Variants in PLEKHA5 observed in about 807,000 individuals in gnomAD.
PLEKHA5 encodes pleckstrin homology domain-containing family A member 5.
PLEKHA5 carries 55 observed loss-of-function variants against 181.9 expected under a neutral mutation model. The ratio of observed to expected loss-of-function variants is 0.30; its 90% CI spans 0.24 to 0.38. The LOEUF (loss-of-function observed/expected upper bound fraction) is 0.38. Among genes scored for constraint, PLEKHA5 ranks in the 10% least tolerant of loss-of-function variants. The pLI is 1.00. For missense variants in PLEKHA5, 1,432 were observed against 1,549.5 expected (o/e 0.92, Z 1.27); for synonymous variants, 535 against 529.4 (o/e 1.01, Z -0.15).
chr12:19,199,965 G>A (rs1004095511), intron 3 of PLEKHA5, among the ~76,000 whole-genome samples: 20 of 152,092 alleles, frequency 1.3e-4, no homozygotes, highest in African/African-American at 4.8e-4. Context: ...GTCGACAGTG[G>A]AATGATGACA....
intron 3 of PLEKHA5, among the ~76,000 whole-genome samples, chr12:19,140,536 A>C (rs1007279124): frequency 2.0e-5 from 3 of 152,276 alleles, no homozygotes; most frequent in African/African-American, 7.2e-5. Flanking sequence ...CACCAAGAGA[A>C]TCTTTTGGAC....
intron 5 of PLEKHA5, among the ~76,000 whole-genome samples, chr12:19,255,376 A>T (rs1235591363): frequency 6.6e-6 from 1 of 152,158 alleles, no homozygotes; most frequent in Non-Finnish European, 1.5e-5. Context: ...ATAATTTTAG[A>T]AATACATTGA....
intron 3 of PLEKHA5, among the ~76,000 whole-genome samples, chr12:19,171,517 G>C (rs1475026990): frequency 1.3e-5 from 2 of 152,208 alleles, no homozygotes; most frequent in Admixed American, 6.5e-5. Flanking sequence ...TGCCCAGGCT[G>C]GGGTGCAGTG....
intron 3 of PLEKHA5, among the ~76,000 whole-genome samples, chr12:19,195,544 C>T (rs957451942): frequency 6.6e-6 from 1 of 151,656 alleles, no homozygotes; most frequent in Non-Finnish European, 1.5e-5. Flanking sequence ...CTGGCACACA[C>T]CTGTAGTCTC....
chr12:19,186,521 A>G (rs1463320015), intron 3 of PLEKHA5, among the ~76,000 whole-genome samples: 2 of 152,200 alleles, frequency 1.3e-5, no homozygotes, highest in Non-Finnish European at 2.9e-5. Flanking sequence ...CGAATTTAGT[A>G]TACCAAATTT....
intron 3 of PLEKHA5, among the ~76,000 whole-genome samples, chr12:19,211,191 A>G (rs1358043503): frequency 6.6e-6 from 1 of 152,200 alleles, no homozygotes; most frequent in Non-Finnish European, 1.5e-5. Context: ...CTTTGGTTTT[A>G]TAACACATAC....
Position 19,369,732 on chromosome 12 carries a change from C to T in PLEKHA5, c.3794C>T (p.Pro1265Leu), listed in dbSNP as rs189277156. The change falls in exon 31 of 32, where the codon CCA becomes CTA. Residue 1265 changes from proline to leucine, a missense_variant. By Grantham distance (98) the Pro-to-Leu change is moderately conservative. Transcript: ENST00000429027. ...LSPSPESSASPVPSTQPQLTE... is the reference protein window; with the variant it reads ...LSPSPESSASLVPSTQPQLTE... ...CCATCTCCTGAGTCCTCGGCATCGC[C>T]AGTTCCATCCACTCAGCCGCAGCTC... 1.2e-6 allele frequency: 2 copies of T among 1,612,696 alleles called. No homozygotes were observed. Among genetic ancestry groups the T allele is most frequent in the Admixed American group, 3.4e-5 (2 of 59,648 alleles).
intron 3 of PLEKHA5, chr12:19,202,066 T>A: frequency 1.1e-6 from 1 of 873,730 alleles, no homozygotes; most frequent in Non-Finnish European, 1.4e-6. Context: ...TACTCCCCAC[T>A]CTTCCCCTAC....
chr12:19,140,716 C>T lies in PLEKHA5; in HGVS notation c.227+8266C>T, dbSNP rs539950020. ...ACATCCCAGGGCATTTTTTTCTTCTCATTTGTCATCTAGTCACAACCCTTG... is the reference window on the plus strand; with the variant it reads ...ACATCCCAGGGCATTTTTTTCTTCTTATTTGTCATCTAGTCACAACCCTTG... On this transcript the variant is annotated intron_variant, in intron 3 of 31. Coordinates refer to ENST00000429027, the MANE Select transcript of PLEKHA5 (RefSeq NM_001256470.2). 4.6e-5 allele frequency among the ~76,000 whole-genome samples: 7 copies of T among 152,260 alleles called. No individual in the cohort carries two copies. The South Asian group carries it at 1.0e-3, about 23-fold the overall frequency.
chr12:19,209,742 A>T (rs954722862), intron 3 of PLEKHA5, among the ~76,000 whole-genome samples: 1 of 152,252 alleles, frequency 6.6e-6, no homozygotes, highest in East Asian at 1.9e-4. Flanking sequence ...GAACTGGCCA[A>T]GACCAAAGAT....
At chr12:19,290,222 T>C (rs2078113057) in intron 13 of PLEKHA5, among the ~76,000 whole-genome samples, 1 of 152,200 alleles carries the variant, frequency 6.6e-6, no homozygotes, top group Non-Finnish European at 1.5e-5. Flanking sequence ...TGAGCCACTG[T>C]GCCCGGACTA....
chr12:19,360,234 G>A (rs1281195542), intron 28 of PLEKHA5, among the ~76,000 whole-genome samples: 10 of 151,844 alleles, frequency 6.6e-5, no homozygotes, highest in Non-Finnish European at 2.9e-5. Context: ...TGGGGAAGCT[G>A]AGGTGGGAGG....
chr12:19,358,865 A>G (rs529783666), intron 27 of PLEKHA5, among the ~76,000 whole-genome samples: 1 of 152,326 alleles, frequency 6.6e-6, no homozygotes, highest in African/African-American at 2.4e-5. Context: ...GAGCTTCTAA[A>G]TAAAGTTCCA....
chr12:19,246,124 G>A (rs912063456), intron 3 of PLEKHA5, among the ~76,000 whole-genome samples: 19 of 150,964 alleles, frequency 1.3e-4, no homozygotes, highest in African/African-American at 4.1e-4. Context: ...GACTACAGGC[G>A]CCCGCCACCA....
At chr12:19,245,940 C>T (rs76868178) in intron 3 of PLEKHA5, among the ~76,000 whole-genome samples, 14,749 of 150,248 alleles carry the variant, frequency 0.098, 752 homozygotes, top group South Asian at 0.14. Flanking sequence ...TAGTTCTTTC[C>T]GTATGTGGTT....
chr12:19,305,269 A>G (rs1173142774), intron 15 of PLEKHA5, among the ~76,000 whole-genome samples: 1 of 152,196 alleles, frequency 6.6e-6, no homozygotes, highest in Non-Finnish European at 1.5e-5. Flanking sequence ...TTTAAAATCA[A>G]GTTATTCAAT....
chr12:19,176,929 T>C (rs1213799430), intron 3 of PLEKHA5, among the ~76,000 whole-genome samples: 1 of 152,024 alleles, frequency 6.6e-6, no homozygotes, highest in African/African-American at 2.4e-5. Context: ...AGTGGCACGA[T>C]CTTGGCTCAC....
chr12:19,292,565 T>C (rs1238118769), intron 15 of PLEKHA5, among the ~76,000 whole-genome samples: 1 of 151,746 alleles, frequency 6.6e-6, no homozygotes, highest in Non-Finnish European at 1.5e-5. Context: ...GTAGAGCCAG[T>C]TTTATAGGAG....
chr12:19,299,282 A>G (rs1050921710), intron 15 of PLEKHA5, among the ~76,000 whole-genome samples: 3 of 152,226 alleles, frequency 2.0e-5, no homozygotes, highest in African/African-American at 7.2e-5. Context: ...AAAAATCATG[A>G]GATTCTGTAG....
Sources: allele counts gnomAD v4.1 joint callset (sites outside exome capture counted in the v4.1 genomes callset), GRCh38; gene constraint gnomAD v4.1.1; transcripts MANE v1.5; gene names NCBI Gene and HGNC (gene_info 2026-07-23, HGNC 2026-07-21).